Variants in ARHGEF10 observed in about 807,000 individuals in gnomAD.
ARHGEF10 encodes the protein Rho guanine nucleotide exchange factor (GEF) 10.
In ARHGEF10, 140 loss-of-function variants were observed where a neutral mutation model predicts 147.4. The observed-to-expected ratio is 0.95, with a 90% CI of 0.83 to 1.09. ARHGEF10 has a LOEUF of 1.09. ARHGEF10 is among the 50% of genes least tolerant of loss of function. The pLI is 0.00. For missense variants in ARHGEF10, 2,222 were observed against 1,752.7 expected (o/e 1.27, Z -4.78); for synonymous variants, 902 against 695.8 (o/e 1.30, Z -4.67).
Position 1,891,175 on chromosome 8 carries a change from C to T in ARHGEF10, c.1183-2394C>T, listed in dbSNP as rs1241666000. ...TGATAGCTGGGATTACGATTAGAAA[C>T]TTAGCAGTATTTAGGATTTCTGCAT... On this transcript the variant is annotated intron_variant, in intron 11 of 28. Transcript: ENST00000349830. Among the ~76,000 whole-genome samples the T allele has an allele frequency of 3.9e-5, 6 of 152,280 alleles. No homozygotes were observed. In the East Asian group the frequency reaches 7.7e-4, roughly 20 times the overall value.
At chr8:1,842,175 G>C (rs1477461966) in intron 1 of ARHGEF10, among the ~76,000 whole-genome samples, 2 of 151,882 alleles carry the variant, frequency 1.3e-5, no homozygotes, top group Non-Finnish European at 2.9e-5. Flanking sequence ...GGGATGGAGG[G>C]AGAGCAGGTT....
At chr8:1,931,063 G>C (rs563189523) in intron 25 of ARHGEF10, among the ~76,000 whole-genome samples, 1 of 152,318 alleles carries the variant, frequency 6.6e-6, no homozygotes, top group Admixed American at 6.5e-5. Flanking sequence ...TCCCATTCCA[G>C]TCCTGCTTTG....
chr8:1,823,537 G>T (rs1409340716), upstream of ARHGEF10, among the ~76,000 whole-genome samples: 9 of 152,144 alleles, frequency 5.9e-5, no homozygotes, highest in East Asian at 1.5e-3. Context: ...CTGGGAGAGG[G>T]TTAGGGTCTG....
chr8:1,928,276 A>T (rs550263044), intron 23 of ARHGEF10, 151 bp from the exon 24 acceptor site: 2 of 741,498 alleles, frequency 2.7e-6, no homozygotes, highest in South Asian at 3.2e-5. Context: ...CTCTGTGAGC[A>T]ATTGTTTAAG....
At chr8:1,861,348 G>T (rs1317873525) in intron 4 of ARHGEF10, among the ~76,000 whole-genome samples, 1 of 152,238 alleles carries the variant, frequency 6.6e-6, no homozygotes, top group East Asian at 1.9e-4. Flanking sequence ...AAGGGCTGGG[G>T]CCTCCTGCCG....
At chr8:1,896,551 T>A in intron 14 of ARHGEF10, 102 bp downstream of exon 14, 1 of 849,522 alleles carries the variant, frequency 1.2e-6, no homozygotes, top group Non-Finnish European at 2.0e-6. Flanking sequence ...AAGATTTCAG[T>A]ATCAATAGTG....
At chr8:1,935,465 C>T (rs369425313) in intron 26 of ARHGEF10, among the ~76,000 whole-genome samples, 1 of 151,820 alleles carries the variant, frequency 6.6e-6, no homozygotes, top group African/African-American at 2.4e-5. Context: ...CTCCCTCCCC[C>T]AGTCTCGGCA....
In ARHGEF10 at chr8:1,889,041, G is replaced by C; in HGVS notation, c.1182+3334G>C. On this transcript the variant is annotated intron_variant, in intron 11 of 28. Transcript: ENST00000349830. ...AGTGAGAGTTGTGAGGAAACATGGA[G>C]TGGGGTGCGGGTCATGAGGAGACAG... 2.2e-5 allele frequency among the ~76,000 whole-genome samples: 2 copies of C among 92,452 alleles called. 1 individual carries two copies. Among genetic ancestry groups the C allele is most frequent in the Admixed American group, 2.1e-4 (2 of 9,526 alleles). 60.7% of individuals were successfully genotyped at this position (92,452 alleles called of 152,430 possible). A position where few individuals can be genotyped will look rare whatever the true frequency, so the allele number is the denominator to read the frequency against.
intron 1 of ARHGEF10, among the ~76,000 whole-genome samples, chr8:1,834,116 A>G (rs945407396): frequency 4.6e-5 from 7 of 152,076 alleles, no homozygotes; most frequent in African/African-American, 1.7e-4. Context: ...CTCTCATGGC[A>G]CGGACAGTTC....
At position 1,894,447 on chromosome 8, in the gene ARHGEF10, C is replaced by G. The variant is rs150372520; in HGVS notation, c.1315C>G (p.Leu439Val). 254 of 1,614,222 alleles carry G rather than the reference C, an allele frequency of 1.6e-4. No individual in the cohort carries two copies. The South Asian group carries it at 1.6e-3, about 10-fold the overall frequency. The change falls in exon 13 of 29, where the codon CTG becomes GTG. Residue 439 changes from leucine (L) to valine (V), a missense_variant. By Grantham distance (32) the Leu-to-Val change is conservative. Coordinates refer to ENST00000349830, the MANE Select transcript of ARHGEF10 (RefSeq NM_014629.4). Reference protein sequence around the residue: ...MEPKVLSERKLKTVFYRVKEI... With the variant: ...MEPKVLSERKVKTVFYRVKEI... ...GCCAAAGGTTCTGAGTGAGAGGAAG[C>G]TGAAGACGGTGTTCTACCGAGTCAA...
chr8:1,894,366 G>A, intron 12 of ARHGEF10, 27 bp from the exon 13 acceptor site: 1 of 1,613,752 alleles, frequency 6.2e-7, no homozygotes, highest in South Asian at 1.1e-5. Flanking sequence ...AGAAAAGTCT[G>A]AACTGTCTTT....
chr8:1,875,982 C>T (rs760206313), intron 7 of ARHGEF10: 1 of 157,268 alleles, frequency 6.4e-6, no homozygotes, highest in Non-Finnish European at 1.4e-5. Flanking sequence ...GTTAGAGAGA[C>T]ACTCATATTC....
At chr8:1,911,477 C>T (rs1042776686) in intron 18 of ARHGEF10, among the ~76,000 whole-genome samples, 5 of 152,302 alleles carry the variant, frequency 3.3e-5, no homozygotes, top group Admixed American at 3.3e-4. Flanking sequence ...TTAAAATGTG[C>T]TAATTCTGTA....
intron 18 of ARHGEF10, among the ~76,000 whole-genome samples, chr8:1,919,876 G>T (rs1240180215): frequency 6.8e-6 from 1 of 147,078 alleles, no homozygotes; most frequent in Non-Finnish European, 1.5e-5. Context: ...GCTGCTCTGT[G>T]GGTGATGAGC....
intron 10 of ARHGEF10, among the ~76,000 whole-genome samples, chr8:1,884,888 C>T (rs947030626): frequency 5.3e-5 from 8 of 152,164 alleles, no homozygotes; most frequent in Admixed American, 2.0e-4. Context: ...CCTCAGCCTC[C>T]TCACTAGCTG....
chr8:1,879,616 C>T (rs1458858031), intron 8 of ARHGEF10, among the ~76,000 whole-genome samples: 1 of 151,644 alleles, frequency 6.6e-6, no homozygotes, highest in African/African-American at 2.4e-5. Flanking sequence ...GCAGTGGCAC[C>T]ATCACGGCTC....
chr8:1,872,747 A>G (rs1807233942), intron 7 of ARHGEF10, among the ~76,000 whole-genome samples: 1 of 152,194 alleles, frequency 6.6e-6, no homozygotes, highest in East Asian at 1.9e-4. Flanking sequence ...TCTACCGCCA[A>G]CGTAATGGGG....
At chr8:1,888,665 T>A (rs199573989) in intron 11 of ARHGEF10, among the ~76,000 whole-genome samples, 5 of 118,978 alleles carry the variant, frequency 4.2e-5, no homozygotes, top group African/African-American at 8.1e-5. Flanking sequence ...AACACTGAGT[T>A]GGGTGAGGGT....
At chr8:1,896,495 C>T in intron 14 of ARHGEF10, 46 bp downstream of exon 14, 1 of 1,306,372 alleles carries the variant, frequency 7.7e-7, no homozygotes, top group Non-Finnish European at 1.1e-6. Flanking sequence ...CATCTGATAA[C>T]AAGTTACATG....
Sources: allele counts gnomAD v4.1 joint callset (sites outside exome capture counted in the v4.1 genomes callset), GRCh38; gene constraint gnomAD v4.1.1; transcripts MANE v1.5; gene names NCBI Gene and HGNC (gene_info 2026-07-23, HGNC 2026-07-21).